Variants in SMAP1 observed in about 807,000 individuals in gnomAD.
SMAP1 encodes small ArfGAP 1.
SMAP1 carries 24 observed loss-of-function variants against 58.5 expected under a neutral mutation model. The observed-to-expected ratio is 0.41, with a 90% CI of 0.30 to 0.58. SMAP1 has a LOEUF of 0.58. Ranked by LOEUF, SMAP1 falls within the 20% of genes least tolerant of loss-of-function variation. SMAP1 has a pLI of 0.29. For missense variants in SMAP1, 563 were observed against 566.3 expected, an observed-to-expected ratio of 0.99 and a Z score of 0.06; for synonymous variants, 216 against 196.6, an observed-to-expected ratio of 1.10 and a Z score of -0.82.
At chr6:70,806,443 G>A (rs777730519) in intron 6 of SMAP1, among the ~76,000 whole-genome samples, 1 of 152,154 alleles carries the variant, frequency 6.6e-6, no homozygotes, top group Non-Finnish European at 1.5e-5. Flanking sequence ...AGGGAAATCC[G>A]TGACCCCCTG....
In SMAP1 at chr6:70,857,920, A is replaced by G; in HGVS notation, c.962-2A>G. On this transcript the variant is annotated splice_acceptor_variant, in intron 9 of 10. Coordinates refer to ENST00000370455, the MANE Select transcript of SMAP1 (RefSeq NM_001044305.3). LOFTEE classifies it high-confidence loss of function. ...TTCATTCATTTTCTTTTTGTGGTGC[A>G]GGTGTATTTATGGGACCCACAAATA... 6.2e-7 allele frequency: 1 copy of G among 1,613,298 alleles called. No homozygotes were observed. The highest frequency in any genetic ancestry group is 8.5e-7 in the Non-Finnish European group (1 of 1,179,416).
intron 4 of SMAP1, among the ~76,000 whole-genome samples, chr6:70,787,935 C>G (rs1768138157): frequency 6.6e-6 from 1 of 151,952 alleles, no homozygotes; most frequent in Non-Finnish European, 1.5e-5. Context: ...TTTGACCCAG[C>G]CATCCCATTA....
chr6:70,839,789 A>C (rs561099600), intron 7 of SMAP1, among the ~76,000 whole-genome samples: 1 of 152,158 alleles, frequency 6.6e-6, no homozygotes, highest in Non-Finnish European at 1.5e-5. Flanking sequence ...CTGGTTATCA[A>C]TTTCCTAAAC....
intron 3 of SMAP1, among the ~76,000 whole-genome samples, chr6:70,756,390 G>C (rs890604758): frequency 6.6e-6 from 1 of 152,072 alleles, no homozygotes; most frequent in Non-Finnish European, 1.5e-5. Context: ...TTAGTAATTT[G>C]TATTTGGCGT....
chr6:70,859,715 T>G (rs7776008), intron 10 of SMAP1: 41 of 197,762 alleles, frequency 2.1e-4, no homozygotes, highest in African/African-American at 9.3e-4. Context: ...ACAATGAAAA[T>G]AAATTTTAGA....
chr6:70,719,541 A>G (rs1263514264), intron 1 of SMAP1, among the ~76,000 whole-genome samples: 1 of 152,160 alleles, frequency 6.6e-6, no homozygotes, highest in African/African-American at 2.4e-5. Flanking sequence ...TTATAGCCAA[A>G]ATGCTCCTAT....
rs761706426 is a variant in SMAP1, at chr6:70,861,968, T to TAC, written c.*1636_*1637dup. The TAC allele has an allele frequency of 6.2e-7, 1 of 1,609,412 alleles. No homozygotes were observed. ...GATTGGACAAAATGACTTGAAGACTTACAGCAAATCCTTTGTGAAAAATAA... is the reference window on the plus strand; with the variant it reads ...GATTGGACAAAATGACTTGAAGACTTACACAGCAAATCCTTTGTGAAAAATAA... On this transcript the variant is annotated 3_prime_UTR_variant, in exon 11 of 11. Transcript: ENST00000370455.
intron 6 of SMAP1, among the ~76,000 whole-genome samples, chr6:70,804,676 T>C (rs1769037397): frequency 6.6e-6 from 1 of 152,210 alleles, no homozygotes; most frequent in Admixed American, 6.5e-5. Flanking sequence ...TCAGGAGCTC[T>C]TGTAAGGCAG....
intron 2 of SMAP1, among the ~76,000 whole-genome samples, chr6:70,736,375 T>G (rs1311725222): frequency 1.3e-5 from 2 of 152,162 alleles, no homozygotes; most frequent in South Asian, 2.1e-4. Context: ...CTTTTATAAA[T>G]ACTATAGCTT....
intron 3 of SMAP1, among the ~76,000 whole-genome samples, chr6:70,759,016 G>T (rs1451637377): frequency 1.3e-5 from 2 of 152,114 alleles, no homozygotes; most frequent in Non-Finnish European, 2.9e-5. Flanking sequence ...AGTACATTCA[G>T]ATTGAGGAGT....
intron 1 of SMAP1, among the ~76,000 whole-genome samples, chr6:70,720,072 AAGTCCCTTTTGCCTATGAGC>A (rs2149846041): frequency 6.6e-6 from 1 of 152,358 alleles, no homozygotes; most frequent in Non-Finnish European, 1.5e-5. Context: ...GAGACAAGGC[AAGTCCCTTTTGCCTATGAGC>A]ATGTAAAATA....
intron 7 of SMAP1, among the ~76,000 whole-genome samples, chr6:70,841,598 T>G (rs1414600874): frequency 6.6e-6 from 1 of 152,240 alleles, no homozygotes; most frequent in Non-Finnish European, 1.5e-5. Flanking sequence ...TCATAACTTT[T>G]ACTTTAAATT....
At position 70,821,189 on chromosome 6, in the gene SMAP1, G is replaced by A. The variant is rs189852841; in HGVS notation, c.577-15752G>A. Among the ~76,000 whole-genome samples, 5 of 150,858 alleles carry A rather than the reference G, an allele frequency of 3.3e-5. No homozygotes were observed. The Admixed American group carries it at 3.3e-4, about 10-fold the overall frequency. ...ACAAGATTAAGTTTTGTCTGTTTTT[G>A]AGTTTCATGTAAATGTAATCATACC... is the stretch of plus-strand genomic sequence containing the variant. On this transcript the variant is annotated intron_variant, in intron 6 of 10. Coordinates refer to ENST00000370455, the MANE Select transcript of SMAP1 (RefSeq NM_001044305.3).
intron 1 of SMAP1, among the ~76,000 whole-genome samples, chr6:70,680,623 T>C (rs1766660543): frequency 6.6e-6 from 1 of 151,734 alleles, no homozygotes; most frequent in South Asian, 2.1e-4. Flanking sequence ...AGCAATGAAC[T>C]AGTGGATGAG....
intron 3 of SMAP1, among the ~76,000 whole-genome samples, chr6:70,759,628 T>C (rs1422804672): frequency 6.6e-6 from 1 of 152,148 alleles, no homozygotes; most frequent in Non-Finnish European, 1.5e-5. Context: ...TTGGTAGGAA[T>C]ACTGTTTCTT....
chr6:70,668,518 C>T (rs988401662), intron 1 of SMAP1: 27 of 1,503,704 alleles, frequency 1.8e-5, no homozygotes, highest in Middle Eastern at 4.0e-4. Flanking sequence ...CCTCCTAGCT[C>T]TGCTCATAGC....
In SMAP1 at chr6:70,667,944, C is replaced by T; in HGVS notation, c.-80C>T. On this transcript the variant is annotated 5_prime_UTR_variant, in exon 1 of 11. Coordinates refer to ENST00000370455, the MANE Select transcript of SMAP1 (RefSeq NM_001044305.3). The stretch of plus-strand genomic sequence containing the variant: ...AGTCCGCCCGCGGTCCCGGCGGCGC[C>T]AGGTGCGTTCACTCTGCCCGGCTCC... 4 of 1,275,632 alleles carry T rather than the reference C, an allele frequency of 3.1e-6. No homozygotes were observed. The highest frequency in any genetic ancestry group is 1.3e-5 in the South Asian group (1 of 74,270). 79.0% of individuals were successfully genotyped at this position (1,275,632 alleles called of 1,614,324 possible).
intron 1 of SMAP1, among the ~76,000 whole-genome samples, chr6:70,674,632 G>A (rs564852968): frequency 6.6e-6 from 1 of 152,144 alleles, no homozygotes; most frequent in Admixed American, 6.5e-5. Context: ...ATATTTTCTG[G>A]GCACTAAAAA....
At chr6:70,712,191 A>G (rs1030922709) in intron 1 of SMAP1, among the ~76,000 whole-genome samples, 2 of 152,230 alleles carry the variant, frequency 1.3e-5, no homozygotes, top group Admixed American at 6.5e-5. Context: ...TGAGATGATC[A>G]TGTGGCTTGT....
Sources: allele counts gnomAD v4.1 joint callset (sites outside exome capture counted in the v4.1 genomes callset), GRCh38; gene constraint gnomAD v4.1.1; transcripts MANE v1.5; gene names NCBI Gene and HGNC (gene_info 2026-07-23, HGNC 2026-07-21).